The following SGF29 variants were observed in gnomAD, a reference collection of about 807,000 sequenced individuals.
SGF29 encodes SAGA complex associated factor 29, also known as SAGA-associated factor 29.
A neutral mutation model predicts 38.1 loss-of-function variants in SGF29; 15 were observed. The ratio of observed to expected loss-of-function variants is 0.39; its 90% confidence interval spans 0.26 to 0.61. The LOEUF is 0.61. Among genes scored for constraint, SGF29 ranks in the 20% least tolerant of loss-of-function variants. The probability of loss-of-function intolerance (pLI) is 0.49; values close to 1 mark genes in which losing one functional copy is unlikely to be tolerated. For synonymous variants in SGF29, 151 were observed against 160.8 expected (o/e 0.94, Z 0.46); for missense variants, 184 against 394.6 (o/e 0.47, Z 4.52).
At chr16:28,569,503 T>G (rs986430429) in intron 1 of SGF29, among the ~76,000 whole-genome samples, 11 of 152,156 alleles carry the variant, frequency 7.2e-5, no homozygotes, top group Admixed American at 1.3e-4. Flanking sequence ...CTACAAAAAA[T>G]TAGCCGGGCA....
chr16:28,564,727 A>ATATATG lies in SGF29; in HGVS notation c.-16+10630_-16+10631insTATATG, dbSNP rs2046822560. ...TATATACATATATATGTATATATATACATATATATGTATATATGTATATAT... is the reference window on the plus strand; with the variant it reads ...TATATACATATATATGTATATATATATATATGCATATATATGTATATATGTATATAT... On this transcript the variant is annotated intron_variant, in intron 1 of 9. Transcript: ENST00000317058. Among the ~76,000 whole-genome samples, 2 of 40,480 alleles carry ATATATG rather than the reference A, an allele frequency of 4.9e-5. 1 individual carries two copies. Among genetic ancestry groups the ATATATG allele is most frequent in the Non-Finnish European group, 1.1e-4 (2 of 18,034 alleles). The allele number at this position is 40,480 out of a possible 152,430, so 26.6% of individuals were successfully genotyped here. A position where few individuals can be genotyped will look rare whatever the true frequency, so the allele number is the denominator to read the frequency against.
rs755937399 is a variant in SGF29 at position 28,581,136 on chromosome 16, C to G, written c.67C>G (p.Gln23Glu). ...LLTELHQLIK[Q>E]TQEERSRSEH... ...CACAGAGCTCCATCAGCTGATCAAACAAACCCAGGTAAAAAGTCACCACCC... is the reference window on the plus strand; with the variant it reads ...CACAGAGCTCCATCAGCTGATCAAAGAAACCCAGGTAAAAAGTCACCACCC... The change falls in exon 2 of 10, where the codon CAA (glutamine) becomes GAA (glutamate). Residue 23 changes from glutamine (Q) to glutamate (E), a missense_variant. By Grantham distance (29) the Gln-to-Glu change is conservative (BLOSUM62 2). Coordinates refer to ENST00000317058, the MANE Select transcript of SGF29 (RefSeq NM_138414.3). 2.5e-6 allele frequency: 4 copies of G among 1,613,880 alleles called. No homozygotes were observed. The African/African-American group carries it at 5.3e-5, about 22-fold the overall frequency.
chr16:28,591,506 T>A, intron 9 of SGF29, 84 bp from the exon 10 acceptor site: 1 of 932,136 alleles, frequency 1.1e-6, no homozygotes, highest in Non-Finnish European at 1.8e-6. Flanking sequence ...GCCCAGAGCC[T>A]CCTGTGGTCT....
At chr16:28,579,257 CTTTT>C (rs570774951) in intron 1 of SGF29, among the ~76,000 whole-genome samples, 1 of 134,784 alleles carries the variant, frequency 7.4e-6, no homozygotes. Flanking sequence ...TTCTAATTAT[CTTTT>C]TTTTTTTTTT....
intron 3 of SGF29, 189 bp downstream of exon 3, chr16:28,585,177 G>T (rs1298034131): frequency 3.4e-5 from 19 of 566,594 alleles, no homozygotes; most frequent in Admixed American, 9.8e-5. Context: ...TCTACTCTGA[G>T]GATTCGAAAG....
intron 1 of SGF29, among the ~76,000 whole-genome samples, chr16:28,556,045 A>G (rs1358041387): frequency 1.1e-4 from 17 of 152,134 alleles, no homozygotes; most frequent in Admixed American, 1.1e-3. Context: ...TCTGTTATCT[A>G]TTTTATAGGA....
At chr16:28,569,229 AG>A (rs960676235) in intron 1 of SGF29, among the ~76,000 whole-genome samples, 2 of 152,222 alleles carry the variant, frequency 1.3e-5, no homozygotes, top group Non-Finnish European at 2.9e-5. Context: ...CAAAGTGGTG[AG>A]GGGGTGGCAT....
At chr16:28,583,460 C>T (rs919417902) in intron 2 of SGF29, among the ~76,000 whole-genome samples, 6 of 152,284 alleles carry the variant, frequency 3.9e-5, no homozygotes, top group Middle Eastern at 3.4e-3. Context: ...GTCTTGAGCA[C>T]TAGGCAGCTA....
At position 28,585,151 on chromosome 16, in the gene SGF29, G is replaced by A. The variant is rs562092525; in HGVS notation, c.151+163G>A. On this transcript the variant is annotated intron_variant, in intron 3 of 9. Transcript: ENST00000317058. ...AGCTTTCCGTTAATCTGGGTGACCT[G>A]AAGAACTAAAATCCCTCTACTCTGA... 6.7e-6 allele frequency: 4 copies of A among 593,534 alleles called. No homozygotes were observed. The East Asian group carries it at 8.7e-5, about 13-fold the overall frequency. The allele number at this position is 593,534 out of a possible 1,614,324, so 36.8% of individuals were successfully genotyped here.
At chr16:28,577,238 G>T (rs1403745219) in intron 1 of SGF29, among the ~76,000 whole-genome samples, 1 of 151,994 alleles carries the variant, frequency 6.6e-6, no homozygotes, top group Non-Finnish European at 1.5e-5. Flanking sequence ...ATATTTGCCT[G>T]GGGGTGGGGT....
intron 5 of SGF29, among the ~76,000 whole-genome samples, chr16:28,589,849 C>T (rs548237523): frequency 2.4e-4 from 37 of 152,278 alleles, no homozygotes; most frequent in East Asian, 9.7e-4. Flanking sequence ...CCTTGGAACC[C>T]GCTTTCTTTC....
At chr16:28,564,720 T>TAC (rs2046822227) in intron 1 of SGF29, among the ~76,000 whole-genome samples, 1 of 86,234 alleles carries the variant, frequency 1.2e-5, no homozygotes, top group Non-Finnish European at 2.3e-5. Flanking sequence ...TATATATGTA[T>TAC]ATATATACAT....
chr16:28,573,718 A>G (rs1236062720), intron 1 of SGF29, among the ~76,000 whole-genome samples: 1 of 152,130 alleles, frequency 6.6e-6, no homozygotes. Context: ...AGGCATTGCT[A>G]TACAGAGCTT....
intron 1 of SGF29, 46 bp from the exon 2 acceptor site, chr16:28,581,009 C>T: frequency 7.1e-7 from 1 of 1,412,922 alleles, no homozygotes; most frequent in Non-Finnish European, 9.9e-7. Flanking sequence ...GTTCAGCCCA[C>T]AGCAGCCACT....
chr16:28,577,418 A>T (rs1299861247), intron 1 of SGF29, among the ~76,000 whole-genome samples: 4 of 151,444 alleles, frequency 2.6e-5, no homozygotes, highest in Non-Finnish European at 5.9e-5. Flanking sequence ...ACCCTTCCCC[A>T]CCCAGCTTTC....
At position 28,585,746 on chromosome 16, in the gene SGF29, G is replaced by A. The variant is rs752866906; in HGVS notation, c.224+26G>A. 1.0e-5 allele frequency: 16 copies of A among 1,607,458 alleles called. No individual in the cohort carries two copies. In the East Asian group the frequency reaches 1.1e-4, roughly 11 times the overall value. On this transcript the variant is annotated intron_variant, in intron 4 of 9. Transcript: ENST00000317058. ...GTGAGTACCGTGCACCCACTTCATC[G>A]CCGCTCCCTCCTTTCCTGGGGGCTG...
chr16:28,568,580 A>T (rs1443699630), intron 1 of SGF29, among the ~76,000 whole-genome samples: 1 of 131,630 alleles, frequency 7.6e-6, no homozygotes, highest in Non-Finnish European at 1.7e-5. Context: ...TCTGGGCTTG[A>T]TAATTAAGGG....
intron 1 of SGF29, among the ~76,000 whole-genome samples, chr16:28,574,568 G>A (rs1192441120): frequency 6.6e-6 from 1 of 152,180 alleles, no homozygotes; most frequent in Non-Finnish European, 1.5e-5. Context: ...AGTGGGTGGG[G>A]GAGAGCCCTC....
At chr16:28,564,685 G>GTATATATA (rs1434333961) in intron 1 of SGF29, among the ~76,000 whole-genome samples, 12,831 of 70,428 alleles carry the variant, frequency 0.18, 2,332 homozygotes, top group Non-Finnish European at 0.26. Flanking sequence ...GTATATATAT[G>GTATATATA]TGTATATATA....
Sources: allele counts gnomAD v4.1 joint callset (sites outside exome capture counted in the v4.1 genomes callset), GRCh38; gene constraint gnomAD v4.1.1; transcripts MANE v1.5; gene names NCBI Gene and HGNC (gene_info 2026-07-23, HGNC 2026-07-21).